IL4R: variants seen among roughly 807,000 people sequenced by gnomAD.
IL4R encodes the protein interleukin-4 receptor subunit alpha.
Under a neutral mutation model 41.5 loss-of-function variants are expected in IL4R, and 17 were observed. That is an observed-to-expected ratio of 0.41 (90% CI 0.28 to 0.61). The LOEUF (loss-of-function observed/expected upper bound fraction) is 0.61. IL4R is among the 20% of genes least tolerant of loss of function. The probability of loss-of-function intolerance (pLI) is 0.31; values close to 1 mark genes in which losing one functional copy is unlikely to be tolerated. For synonymous variants in IL4R, 402 were observed against 422.9 expected, an observed-to-expected ratio of 0.95 and a Z score of 0.61; for missense variants, 974 against 1,043.1, an observed-to-expected ratio of 0.93 and a Z score of 0.91.
At chr16:27,351,695 A>G (rs911108474) in intron 6 of IL4R, among the ~76,000 whole-genome samples, 2 of 151,958 alleles carry the variant, frequency 1.3e-5, no homozygotes, top group Admixed American at 1.3e-4. Flanking sequence ...TTGTATTTTT[A>G]GTAGAGACAG....
intron 1 of IL4R, among the ~76,000 whole-genome samples, chr16:27,326,964 C>T (rs1207325519): frequency 6.6e-6 from 1 of 152,146 alleles, no homozygotes; most frequent in Non-Finnish European, 1.5e-5. Flanking sequence ...GGTTACTGTC[C>T]CAGGAAGAAG....
rs948073633 is a variant in IL4R at position 27,363,060 on chromosome 16, G to A, written c.1708G>A (p.Ala570Thr). 2.5e-6 allele frequency: 4 copies of A among 1,614,000 alleles called. No individual in the cohort carries two copies. In the African/African-American group the frequency reaches 4.0e-5, roughly 16 times the overall value. The change falls in exon 11 of 11, where the codon GCC becomes ACC. Residue 570 changes from alanine (A) to threonine (T), a missense_variant. This residue lies in a region of IL4R where 682 missense variants were observed against 704.3 expected (regional missense o/e 0.97). Coordinates refer to ENST00000395762, the MANE Select transcript of IL4R (RefSeq NM_000418.4). ...TGGGGCAGCTGCAGCCCCCGTCTCG[G>A]CCCCCACCAGTGGCTATCAGGAGTT... ...QHGAAAAPVS[A>T]PTSGYQEFVH...
intron 1 of IL4R, among the ~76,000 whole-genome samples, chr16:27,329,808 T>C (rs2085063320): frequency 6.6e-6 from 1 of 152,022 alleles, no homozygotes; most frequent in African/African-American, 2.4e-5. Flanking sequence ...TAGTGATAAG[T>C]ACTGGGACAG....
Position 27,350,173 on chromosome 16 carries a change from C to A in IL4R, c.514-2367C>A, listed in dbSNP as rs1042423165. Among the ~76,000 whole-genome samples, 9 of 152,176 alleles carry A rather than the reference C, an allele frequency of 5.9e-5. 1 individual carries two copies. Among genetic ancestry groups the A allele is most frequent in the Admixed American group, 2.0e-4 (3 of 15,282 alleles). ...CCTTCTTGTTAAAAAACAGACAAAC[C>A]GCAAGTAGTTCTTTGGAAGCTCAGA... On this transcript the variant is annotated intron_variant, in intron 6 of 10. Coordinates refer to ENST00000395762, the MANE Select transcript of IL4R (RefSeq NM_000418.4).
chr16:27,341,597 C>T (rs1394181066), intron 3 of IL4R, among the ~76,000 whole-genome samples: 1 of 152,130 alleles, frequency 6.6e-6, no homozygotes, highest in African/African-American at 2.4e-5. Flanking sequence ...ATGTCTCCTC[C>T]AGCCCATCCA....
chr16:27,324,818 C>G (rs2084911494), intron 1 of IL4R, among the ~76,000 whole-genome samples: 1 of 152,152 alleles, frequency 6.6e-6, no homozygotes, highest in Non-Finnish European at 1.5e-5. Context: ...GTGGTCTTCC[C>G]CAGCAAATCT....
At chr16:27,327,568 CTGGGTCTCAGGCCAA>C (rs1266515749) in intron 1 of IL4R, among the ~76,000 whole-genome samples, 2 of 152,080 alleles carry the variant, frequency 1.3e-5, no homozygotes, top group African/African-American at 4.8e-5. Flanking sequence ...CTTGCTGTCT[CTGGGTCTCAGGCCAA>C]TGGGTCTCAG....
At position 27,359,021 on chromosome 16, in the gene IL4R, G is replaced by A. The variant is rs775096711; in HGVS notation, c.849+27G>A. On this transcript the variant is annotated intron_variant, in intron 9 of 10. Coordinates refer to ENST00000395762, the MANE Select transcript of IL4R (RefSeq NM_000418.4). ...TAGGAGTAGGCGTGGATGAGGACAT[G>A]TGGGACTGTGTACATGAAGAAGTGT... is the stretch of plus-strand genomic sequence containing the variant. 3.9e-6 allele frequency: 6 copies of A among 1,542,348 alleles called. No homozygotes were observed. In the South Asian group the frequency reaches 6.7e-5, roughly 17 times the overall value.
chr16:27,321,975 T>C (rs1036162362), intron 1 of IL4R, among the ~76,000 whole-genome samples: 2 of 152,142 alleles, frequency 1.3e-5, no homozygotes, highest in African/African-American at 4.8e-5. Flanking sequence ...TTATAGGATT[T>C]TCTGGTCATT....
At position 27,346,636 on chromosome 16, in the gene IL4R, G is replaced by T. The variant is rs985170303; in HGVS notation, c.513+18G>T. 7 of 1,613,318 alleles carry T rather than the reference G, an allele frequency of 4.3e-6. No individual in the cohort carries two copies. The African/African-American group carries it at 8.0e-5, about 18-fold the overall frequency. On this transcript the variant is annotated intron_variant, in intron 6 of 10. Transcript: ENST00000395762. ...CGGCAGATGTGAGTGGGCATGCTTTGACGTTTTTCTGTGACCTCTGGGGAA... is the reference window on the plus strand; with the variant it reads ...CGGCAGATGTGAGTGGGCATGCTTTTACGTTTTTCTGTGACCTCTGGGGAA...
In IL4R at chr16:27,338,597, C is replaced by T. The variant is rs147229408; in HGVS notation, c.-18-1589C>T. On this transcript the variant is annotated intron_variant, in intron 2 of 10. Transcript: ENST00000395762. ...CCCCCAAATTCATATGTTGAAACTT[C>T]ATCCCATTGTAGTCATATTAAGAGA... Among the ~76,000 whole-genome samples, 631 of 152,146 alleles carry T rather than the reference C, an allele frequency of 4.1e-3. 17 individuals carry two copies. Among genetic ancestry groups the T allele is most frequent in the Admixed American group, 0.035 (528 of 15,272 alleles).
At position 27,363,305 on chromosome 16, in the gene IL4R, C is replaced by T. The variant is rs1477072457; in HGVS notation, c.1953C>T (p.Pro651=). 2 of 1,610,170 alleles carry T rather than the reference C, an allele frequency of 1.2e-6. No homozygotes were observed. The highest frequency in any genetic ancestry group is 1.1e-5 in the South Asian group (1 of 90,588). Residue 651 remains proline, a synonymous_variant, in exon 11 of 11, where the codon CCC becomes CCT. Coordinates refer to ENST00000395762, the MANE Select transcript of IL4R (RefSeq NM_000418.4). ...CPGDPAPVPV[P]LFTFGLDREP... ...GGGACCCTGCCCCAGTCCCTGTCCC[C>T]TTGTTCACCTTTGGACTGGACAGGG...
Position 27,352,686 on chromosome 16 carries a change from G to A in IL4R, c.660G>A (p.Lys220=), listed in dbSNP as rs1264552365. Residue 220 remains lysine, a synonymous_variant, in exon 7 of 11, where the codon AAG becomes AAA. Coordinates refer to ENST00000395762, the MANE Select transcript of IL4R (RefSeq NM_000418.4). ...GGAGTGAGTGGAGCCCCAGCACCAAGTGGCACAACTGTGAGTATCAAGAGG... is the reference window on the plus strand; with the variant it reads ...GGAGTGAGTGGAGCCCCAGCACCAAATGGCACAACTGTGAGTATCAAGAGG... ...TTWSEWSPST[K]WHNSYREPFE... 6.2e-7 allele frequency: 1 copy of A among 1,614,034 alleles called. No individual in the cohort carries two copies. Among genetic ancestry groups the A allele is most frequent in the Non-Finnish European group, 8.5e-7 (1 of 1,180,016 alleles).
chr16:27,358,954 C>T lies in IL4R; in HGVS notation c.809C>T (p.Ala270Val), dbSNP rs775147602. 9.3e-6 allele frequency: 15 copies of T among 1,613,884 alleles called. No individual in the cohort carries two copies. Among genetic ancestry groups the T allele is most frequent in the Non-Finnish European group, 1.3e-5 (15 of 1,179,894 alleles). ...TGGTGGGATCAGATTCCCAACCCAG[C>T]CCGCAGCCGCCTCGTGGCTATAATA... Reference protein sequence around the residue: ...KEWWDQIPNPARSRLVAIIIQ... With the variant: ...KEWWDQIPNPVRSRLVAIIIQ... The change falls in exon 9 of 11, where the codon GCC becomes GTC. Residue 270 changes from alanine to valine, a missense_variant. Around this residue, in one of 3 missense-constraint regions of IL4R, gnomAD observed 682 missense variants for 704.3 expected, o/e 0.97. Coordinates refer to ENST00000395762, the MANE Select transcript of IL4R (RefSeq NM_000418.4).
intron 8 of IL4R, among the ~76,000 whole-genome samples, chr16:27,356,285 G>A (rs998027758): frequency 2.0e-5 from 3 of 151,936 alleles, no homozygotes; most frequent in Non-Finnish European, 4.4e-5. Flanking sequence ...TAGAGATGGG[G>A]TTTCACCATG....
intron 1 of IL4R, among the ~76,000 whole-genome samples, chr16:27,325,672 A>C (rs2084936874): frequency 6.6e-6 from 1 of 152,134 alleles, no homozygotes; most frequent in African/African-American, 2.4e-5. Flanking sequence ...GTCTGGCACC[A>C]AGGAAACACT....
At chr16:27,317,670 A>C (rs2084686836) in intron 1 of IL4R, among the ~76,000 whole-genome samples, 1 of 152,186 alleles carries the variant, frequency 6.6e-6, no homozygotes. Flanking sequence ...TAAGGCAGAG[A>C]GAAGGGCCTG....
chr16:27,320,837 C>T (rs1041664637), intron 1 of IL4R, among the ~76,000 whole-genome samples: 10 of 152,174 alleles, frequency 6.6e-5, no homozygotes, highest in African/African-American at 1.2e-4. Flanking sequence ...CACAGCCTCC[C>T]GACGGTCTTG....
Position 27,363,405 on chromosome 16 carries a change from A to G in IL4R, c.2053A>G (p.Lys685Glu). 3 of 1,614,120 alleles carry G rather than the reference A, an allele frequency of 1.9e-6. No homozygotes were observed. The highest frequency in any genetic ancestry group is 1.3e-5 in the African/African-American group (1 of 75,042). The change falls in exon 11 of 11, where the codon AAG becomes GAG. Residue 685 changes from lysine to glutamate, a missense_variant. Around this residue, in one of 3 missense-constraint regions of IL4R, gnomAD observed 682 missense variants for 704.3 expected, o/e 0.97. Transcript: ENST00000395762. ...PEHLGLEPGEKVEDMPKPPLP... is the reference protein window; with the variant it reads ...PEHLGLEPGEEVEDMPKPPLP... ...GCACCTGGGTCTGGAGCCGGGGGAA[A>G]AGGTAGAGGACATGCCAAAGCCCCC...
Sources: gnomAD v4.1 joint callset for allele counts (sites outside exome capture counted in the v4.1 genomes callset) on GRCh38, gnomAD v4.1.1 for gene constraint, gnomAD v4.1.1 regional missense constraint, MANE v1.5 for transcripts, NCBI Gene and HGNC (gene_info 2026-07-23, HGNC 2026-07-21) for gene names.